Variants in NBEAL1 observed in about 807,000 individuals in gnomAD.
NBEAL1 encodes the protein neurobeachin like 1, also known as neurobeachin-like protein 1.
Under a neutral mutation model 351.3 loss-of-function variants are expected in NBEAL1, and 273 were observed. The observed-to-expected ratio is 0.78, with a 90% CI of 0.70 to 0.86. The LOEUF is 0.86. NBEAL1 is among the 40% of genes least tolerant of loss of function. The pLI is 0.00. For missense variants in NBEAL1, 2,961 were observed against 3,201.3 expected (o/e 0.92, Z 1.81); for synonymous variants, 1,050 against 1,086.4 (o/e 0.97, Z 0.66).
At chr2:203,064,632 A>G (rs1019828895) in intron 6 of NBEAL1, among the ~76,000 whole-genome samples, 1 of 150,766 alleles carries the variant, frequency 6.6e-6, no homozygotes, top group Non-Finnish European at 1.5e-5. Flanking sequence ...TAATTTTTTT[A>G]AAAAAAGGAG....
At chr2:203,144,251 A>G (rs972637315) in intron 31 of NBEAL1, among the ~76,000 whole-genome samples, 2 of 150,792 alleles carry the variant, frequency 1.3e-5, no homozygotes, top group Non-Finnish European at 3.0e-5. Flanking sequence ...TTCTCTTTAT[A>G]CTGGTGGTTT....
chr2:203,091,122 A>G (rs2062056478), intron 10 of NBEAL1, among the ~76,000 whole-genome samples: 1 of 152,162 alleles, frequency 6.6e-6, no homozygotes, highest in African/African-American at 2.4e-5. Context: ...CTCTATACCC[A>G]TTAAACAGCT....
intron 38 of NBEAL1, 142 bp downstream of exon 38, chr2:203,167,502 A>T: frequency 1.2e-6 from 1 of 845,846 alleles, no homozygotes; most frequent in South Asian, 2.6e-5. Flanking sequence ...GGGGCTAATC[A>T]GTGTATGAAT....
chr2:203,214,028 G>T (rs952877173), intron 55 of NBEAL1, among the ~76,000 whole-genome samples: 1 of 152,136 alleles, frequency 6.6e-6, no homozygotes, highest in Non-Finnish European at 1.5e-5. Flanking sequence ...CTATTTGTCA[G>T]TTGTTCTTTT....
chr2:203,174,628 C>T (rs1224767466), intron 41 of NBEAL1, among the ~76,000 whole-genome samples: 1 of 152,014 alleles, frequency 6.6e-6, no homozygotes, highest in Non-Finnish European at 1.5e-5. Flanking sequence ...TACGGTGGCT[C>T]ACACCTGTAA....
intron 36 of NBEAL1, among the ~76,000 whole-genome samples, chr2:203,165,685 T>A (rs750216297): frequency 2.0e-5 from 3 of 152,204 alleles, no homozygotes; most frequent in Non-Finnish European, 4.4e-5. Context: ...TAATTTAATA[T>A]GCAGAATACT....
At chr2:203,063,244 G>A (rs896036048) in intron 6 of NBEAL1, among the ~76,000 whole-genome samples, 6 of 152,038 alleles carry the variant, frequency 3.9e-5, no homozygotes, top group Admixed American at 1.3e-4. Flanking sequence ...GGAGGCCAAG[G>A]CAGGAGAATT....
rs947843279 is a variant in NBEAL1, at chr2:203,133,084, C to G, written c.3751C>G (p.Leu1251Val). 4 of 1,506,972 alleles carry G rather than the reference C, an allele frequency of 2.7e-6. No homozygotes were observed. Among genetic ancestry groups the G allele is most frequent in the Non-Finnish European group, 3.6e-6 (4 of 1,116,192 alleles). The allele number at this position is 1,506,972 out of a possible 1,614,324, so 93.4% of individuals were successfully genotyped here. The stretch of plus-strand genomic sequence containing the variant: ...TCCTGTTATTAATTTCAAAGATCTA[C>G]TATCTGTGGTATATATATCTCACAG... ...TDPVINFKDL[L>V]SVVYISHRAH... is the part of the protein sequence containing the mutation. The change falls in exon 27 of 56, where the codon CTA becomes GTA. Residue 1251 changes from leucine (L) to valine (V), a missense_variant. Transcript: ENST00000683969.
intron 31 of NBEAL1, 120 bp downstream of exon 31, chr2:203,138,868 C>A: frequency 1.0e-6 from 1 of 974,392 alleles, no homozygotes; most frequent in Non-Finnish European, 1.4e-6. Context: ...CTAAAAGTAT[C>A]CATGATTTCA....
In NBEAL1 at chr2:203,108,144, T is replaced by C; in HGVS notation, c.1905T>C (p.Thr635=). Reference sequence around the variant, plus strand: ...TTTGCTTAGACCAGGATCAGTTGACTCTTGGCATTGCTAACAAAGGAGGGA... The same window carrying C: ...TTTGCTTAGACCAGGATCAGTTGACCCTTGGCATTGCTAACAAAGGAGGGA... ...AWFCLDQDQL[T]LGIANKGGKR... is the part of the protein sequence containing the mutation. Residue 635 remains threonine, a synonymous_variant, in exon 14 of 56, where the codon ACT becomes ACC. Coordinates refer to ENST00000683969, the MANE Select transcript of NBEAL1 (RefSeq NM_001378026.1). 1.3e-6 allele frequency: 2 copies of C among 1,551,650 alleles called. No individual in the cohort carries two copies. The highest frequency in any genetic ancestry group is 8.7e-7 in the Non-Finnish European group (1 of 1,146,758).
chr2:203,116,627 C>CA (rs3053110), intron 18 of NBEAL1, among the ~76,000 whole-genome samples: 8,009 of 136,880 alleles, frequency 0.059, 293 homozygotes, highest in Non-Finnish European at 0.087. Flanking sequence ...TGAAAAATGC[C>CA]AAAAAAAAAA....
chr2:203,192,963 C>CTCTTTTTTTT, intron 46 of NBEAL1, among the ~76,000 whole-genome samples: 1 of 99,332 alleles, frequency 1.0e-5, no homozygotes. Flanking sequence ...TTCTTTCTTT[C>CTCTTTTTTTT]TTTTTTTTTT....
chr2:203,134,295 TA>T (rs1559391734), intron 27 of NBEAL1, among the ~76,000 whole-genome samples: 1 of 151,924 alleles, frequency 6.6e-6, no homozygotes, highest in African/African-American at 2.4e-5. Context: ...AAAATAGATA[TA>T]AAATAAGTCA....
At position 203,221,488 on chromosome 2, in the gene NBEAL1, T is replaced by C. The variant is rs2105868091; in HGVS notation, c.*4134T>C. Among the ~76,000 whole-genome samples, 1 of 152,282 alleles carries C rather than the reference T, an allele frequency of 6.6e-6. No homozygotes were observed. The highest frequency in any genetic ancestry group is 1.5e-5 in the Non-Finnish European group (1 of 68,002). Reference sequence around the variant, plus strand: ...TCTTCTGGAAACAGGTTCTTGAACCTATCTTTAGGATACAGTTTTTGACTG... The same window carrying C: ...TCTTCTGGAAACAGGTTCTTGAACCCATCTTTAGGATACAGTTTTTGACTG... On this transcript the variant is annotated 3_prime_UTR_variant, in exon 56 of 56. Transcript: ENST00000683969.
At chr2:203,140,736 A>G (rs1255243380) in intron 31 of NBEAL1, among the ~76,000 whole-genome samples, 1 of 152,184 alleles carries the variant, frequency 6.6e-6, no homozygotes, top group African/African-American at 2.4e-5. Context: ...TTCTAAAGTA[A>G]TATCTAAAAT....
intron 36 of NBEAL1, 73 bp downstream of exon 36, chr2:203,157,898 A>G (rs2063838554): frequency 1.6e-6 from 2 of 1,229,036 alleles, no homozygotes; most frequent in Non-Finnish European, 2.2e-6. Context: ...ATTTGCTTGA[A>G]ATTCTAACAC....
chr2:203,170,799 A>G (rs572680899), intron 39 of NBEAL1, among the ~76,000 whole-genome samples: 20 of 152,294 alleles, frequency 1.3e-4, no homozygotes, highest in Middle Eastern at 3.4e-3. Flanking sequence ...TGATCCCTCA[A>G]CTTGGCACTC....
At chr2:203,180,955 T>TTTTTTTTTTTTTA (rs2064698877) in intron 43 of NBEAL1, 3 of 147,194 alleles carry the variant, frequency 2.0e-5, no homozygotes, top group Non-Finnish European at 2.9e-5. Context: ...TTTTTTTTTT[T>TTTTTTTTTTTTTA]GAGACAGGGT....
At chr2:203,017,115 A>G (rs1405255119) in intron 2 of NBEAL1, among the ~76,000 whole-genome samples, 2 of 152,098 alleles carry the variant, frequency 1.3e-5, no homozygotes, top group African/African-American at 2.4e-5. Flanking sequence ...CTTTATGTGA[A>G]TTTTTACTTG....
Sources: allele counts gnomAD v4.1 joint callset (sites outside exome capture counted in the v4.1 genomes callset), GRCh38; gene constraint gnomAD v4.1.1; transcripts MANE v1.5; gene names NCBI Gene and HGNC (gene_info 2026-07-23, HGNC 2026-07-21).